The following EPHA6 variants were observed in gnomAD, a reference collection of about 807,000 sequenced individuals.
The protein encoded by EPHA6 is EPH receptor A6.
EPHA6 carries 50 observed loss-of-function variants against 112.0 expected under a neutral mutation model. The ratio of observed to expected loss-of-function variants is 0.45; its 90% CI spans 0.36 to 0.56. The LOEUF (loss-of-function observed/expected upper bound fraction) is 0.56. Ranked by LOEUF, EPHA6 falls within the 20% of genes least tolerant of loss-of-function variation. EPHA6 has a pLI of 0.00. For missense variants in EPHA6, 1,280 were observed against 1,417.4 expected (o/e 0.90, Z 1.56); for synonymous variants, 529 against 490.7 (o/e 1.08, Z -1.03).
At chr3:97,573,695 TGATA>T (rs1192081420) in intron 11 of EPHA6, among the ~76,000 whole-genome samples, 1 of 152,110 alleles carries the variant, frequency 6.6e-6, no homozygotes, top group Non-Finnish European at 1.5e-5. Flanking sequence ...AATAAGTGTC[TGATA>T]GATCAAGATA....
At chr3:96,988,046 A>AGTT in intron 3 of EPHA6, 53 bp downstream of exon 3, 1 of 1,412,086 alleles carries the variant, frequency 7.1e-7, no homozygotes, top group East Asian at 2.5e-5. Context: ...ATTTTAAAAA[A>AGTT]GTTTTATTTT....
chr3:97,416,782 A>C (rs1035193645), intron 6 of EPHA6, among the ~76,000 whole-genome samples: 2 of 152,154 alleles, frequency 1.3e-5, no homozygotes, highest in African/African-American at 4.8e-5. Context: ...AACTCATTGA[A>C]AATTTATTTT....
chr3:96,844,568 T>C (rs2034957331), intron 1 of EPHA6, among the ~76,000 whole-genome samples: 1 of 152,012 alleles, frequency 6.6e-6, no homozygotes, highest in Admixed American at 6.6e-5. Context: ...ATATGGAATA[T>C]CTGAGTTATG....
chr3:97,564,005 T>C (rs1376101832), intron 11 of EPHA6, among the ~76,000 whole-genome samples: 1 of 152,114 alleles, frequency 6.6e-6, no homozygotes, highest in Non-Finnish European at 1.5e-5. Flanking sequence ...AGATGGAGGC[T>C]AATAAAGGGA....
At chr3:97,303,992 G>A (rs1238126986) in intron 5 of EPHA6, among the ~76,000 whole-genome samples, 1 of 151,820 alleles carries the variant, frequency 6.6e-6, no homozygotes. Flanking sequence ...GTATTTTACT[G>A]TCTTTGTAGC....
intron 5 of EPHA6, among the ~76,000 whole-genome samples, chr3:97,300,379 G>A (rs1358773765): frequency 1.3e-5 from 2 of 152,192 alleles, no homozygotes; most frequent in Non-Finnish European, 2.9e-5. Context: ...GTAAAGGACA[G>A]TATCTTTGTC....
In EPHA6 at chr3:97,410,109, T is replaced by G. The variant is rs527895167; in HGVS notation, c.1731+4835T>G. ...AAAGTAGCCTCTTTTAAAAGAAGGT[T>G]GAAGTCTTAGTGTCTTTTCTGAAAG... On this transcript the variant is annotated intron_variant, in intron 6 of 17. Coordinates refer to ENST00000389672, the MANE Select transcript of EPHA6 (RefSeq NM_001080448.3). Among the ~76,000 whole-genome samples, 260 of 152,198 alleles carry G rather than the reference T, an allele frequency of 1.7e-3. 1 individual carries two copies. The highest frequency in any genetic ancestry group is 6.8e-3 in the Middle Eastern group (2 of 294).
intron 2 of EPHA6, among the ~76,000 whole-genome samples, chr3:96,931,580 A>G (rs2040329118): frequency 1.3e-5 from 2 of 152,194 alleles, no homozygotes; most frequent in Middle Eastern, 3.2e-3. Flanking sequence ...CAAAGCAGCT[A>G]TGCTGCACTA....
At chr3:97,561,540 C>A (rs2093192485) in intron 11 of EPHA6, among the ~76,000 whole-genome samples, 1 of 151,792 alleles carries the variant, frequency 6.6e-6, no homozygotes, top group South Asian at 2.1e-4. Flanking sequence ...AAACTGCAGT[C>A]AAAAATTTTA....
rs2081743214 is a variant in EPHA6, at chr3:97,314,912, C to A, written c.1606+70625C>A. On this transcript the variant is annotated intron_variant, in intron 5 of 17. Coordinates refer to ENST00000389672, the MANE Select transcript of EPHA6 (RefSeq NM_001080448.3). ...TATCACCAGCTGCATCTTTATCTAGCAAGAGGTGTTTCATTGGCAGCACAG... is the reference window on the plus strand; with the variant it reads ...TATCACCAGCTGCATCTTTATCTAGAAAGAGGTGTTTCATTGGCAGCACAG... 1.3e-5 allele frequency among the ~76,000 whole-genome samples: 2 copies of A among 151,566 alleles called. 1 individual carries two copies. The highest frequency in any genetic ancestry group is 4.1e-4 in the South Asian group (2 of 4,826).
At chr3:96,993,408 A>G (rs186337864) in intron 3 of EPHA6, among the ~76,000 whole-genome samples, 2 of 151,876 alleles carry the variant, frequency 1.3e-5, no homozygotes, top group South Asian at 2.1e-4. Flanking sequence ...GCGATTCTCA[A>G]GCCTCAGCCT....
chr3:97,198,180 G>A (rs2077488787), intron 3 of EPHA6, among the ~76,000 whole-genome samples: 1 of 152,124 alleles, frequency 6.6e-6, no homozygotes, highest in Admixed American at 6.5e-5. Flanking sequence ...TCTTGTGTGA[G>A]TAGTTGTTCA....
intron 5 of EPHA6, among the ~76,000 whole-genome samples, chr3:97,293,076 C>T (rs897806207): frequency 6.7e-6 from 1 of 149,146 alleles, no homozygotes; most frequent in Admixed American, 6.7e-5. Flanking sequence ...AGCTCCTTTT[C>T]ACAGGCAGGG....
chr3:97,609,425 A>G lies in EPHA6; in HGVS notation c.2513-1368A>G, dbSNP rs549407320. 3.3e-3 allele frequency among the ~76,000 whole-genome samples: 494 copies of G among 151,486 alleles called. 3 individuals carry two copies. Among genetic ancestry groups the G allele is most frequent in the African/African-American group, 0.011 (472 of 41,490 alleles). The stretch of plus-strand genomic sequence containing the variant: ...AATTTTCTAGATCCCTGCCCACAAG[A>G]GTGCTGACAGTTCAGTTGACCTCAA... On this transcript the variant is annotated intron_variant, in intron 12 of 17. Transcript: ENST00000389672.
At chr3:97,378,319 T>A (rs1218527764) in intron 5 of EPHA6, among the ~76,000 whole-genome samples, 1 of 152,090 alleles carries the variant, frequency 6.6e-6, no homozygotes, top group East Asian at 1.9e-4. Context: ...TCTGCCTAGA[T>A]TTAAGAAAAT....
At chr3:96,898,050 A>G (rs1335364894) in intron 2 of EPHA6, among the ~76,000 whole-genome samples, 1 of 152,184 alleles carries the variant, frequency 6.6e-6, no homozygotes, top group Non-Finnish European at 1.5e-5. Flanking sequence ...TTGATTTTAT[A>G]ATATTTGCTT....
chr3:97,539,864 T>C (rs1002527387), intron 11 of EPHA6, among the ~76,000 whole-genome samples: 6 of 152,188 alleles, frequency 3.9e-5, no homozygotes, highest in Non-Finnish European at 7.3e-5. Flanking sequence ...TTGTGAATGC[T>C]TGAAGTAGCT....
rs1162989076 is a variant in EPHA6 at position 97,592,619 on chromosome 3, C to T, written c.2394C>T (p.Phe798=). The part of the protein sequence containing the change: ...RLEGVVTKRS[F]PAIGVEAFCP... The stretch of plus-strand genomic sequence containing the variant: ...ATTTTTATCTCTTAAAAGGATCCTT[C>T]CCGGCCATTGGGGTGGAGGCGTTTT... The change falls in exon 12 of 18, where the codon TTC becomes TTT. Residue 798 remains phenylalanine (F), a synonymous_variant. Transcript: ENST00000389672. 4 of 1,612,952 alleles carry T rather than the reference C, an allele frequency of 2.5e-6. No homozygotes were observed. The highest frequency in any genetic ancestry group is 2.7e-5 in the African/African-American group (2 of 74,802).
In EPHA6 at chr3:97,168,705, C is replaced by T. The variant is rs540595878; in HGVS notation, c.1115-57559C>T. ...ATGATTGTAAGTTTCCTGAGGCCTC[C>T]CCAGAAACAGAAGCCTGTACAGCCC... On this transcript the variant is annotated intron_variant, in intron 3 of 17. Coordinates refer to ENST00000389672, the MANE Select transcript of EPHA6 (RefSeq NM_001080448.3). Among the ~76,000 whole-genome samples, 160 of 152,072 alleles carry T rather than the reference C, an allele frequency of 1.1e-3. 1 individual carries two copies. Among genetic ancestry groups the T allele is most frequent in the African/African-American group, 3.7e-3 (152 of 41,492 alleles).
Sources: allele counts gnomAD v4.1 joint callset (sites outside exome capture counted in the v4.1 genomes callset), GRCh38; gene constraint gnomAD v4.1.1; transcripts MANE v1.5; gene names NCBI Gene and HGNC (gene_info 2026-07-23, HGNC 2026-07-21).